The following TNNI3K variants were observed in gnomAD, a reference collection of about 807,000 sequenced individuals.
TNNI3K encodes the protein serine/threonine-protein kinase TNNI3K.
In TNNI3K, 140 loss-of-function variants were observed where a neutral mutation model predicts 114.5. The observed-to-expected ratio is 1.22, with a 90% confidence interval of 1.07 to 1.41. The LOEUF is 1.41. Ranked by LOEUF, TNNI3K falls within the 40% of genes most tolerant of loss-of-function variation. The probability of loss-of-function intolerance (pLI) is 0.00; values close to 1 mark genes in which losing one functional copy is unlikely to be tolerated. For synonymous variants in TNNI3K, 347 were observed against 347.5 expected (o/e 1.00, Z 0.02); for missense variants, 1,125 against 1,007.6 (o/e 1.12, Z -1.58).
intron 5 of TNNI3K, among the ~76,000 whole-genome samples, chr1:74,280,433 G>A (rs1276666418): frequency 6.6e-6 from 1 of 151,988 alleles, no homozygotes; most frequent in Non-Finnish European, 1.5e-5. Flanking sequence ...AAGAGGGTGG[G>A]AAAGACAGTC....
chr1:74,256,913 A>G (rs1440355777), intron 4 of TNNI3K, among the ~76,000 whole-genome samples: 3 of 152,106 alleles, frequency 2.0e-5, no homozygotes, highest in Non-Finnish European at 2.9e-5. Context: ...AATCCTACAT[A>G]TGGTTTTCTG....
At chr1:74,376,691 G>C (rs1001182980) in intron 17 of TNNI3K, 2 of 151,906 alleles carry the variant, frequency 1.3e-5, no homozygotes, top group Admixed American at 6.6e-5. Context: ...TACATGATAT[G>C]ATCTAGGGTC....
rs192448481 is a variant in TNNI3K at position 74,235,898 on chromosome 1, T to G, written c.41-204T>G. 2.8e-3 allele frequency among the ~76,000 whole-genome samples: 426 copies of G among 151,672 alleles called. 2 individuals carry two copies. Among genetic ancestry groups the G allele is most frequent in the African/African-American group, 9.8e-3 (406 of 41,500 alleles). ...TTCTATGTAAATATATTATCCAATA[T>G]CGAATGGGTTCTTCATTACTACAAT... On this transcript the variant is annotated intron_variant, in intron 1 of 24. Coordinates refer to ENST00000326637, the MANE Select transcript of TNNI3K (RefSeq NM_015978.3).
At chr1:74,307,150 A>T (rs1658692719) in intron 5 of TNNI3K, among the ~76,000 whole-genome samples, 1 of 152,134 alleles carries the variant, frequency 6.6e-6, no homozygotes, top group African/African-American at 2.4e-5. Flanking sequence ...GGAAATGAAA[A>T]CACAATACTT....
intron 5 of TNNI3K, among the ~76,000 whole-genome samples, chr1:74,285,425 T>G (rs376827282): frequency 2.6e-5 from 4 of 152,302 alleles, no homozygotes; most frequent in African/African-American, 9.6e-5. Context: ...CTCTTTATGG[T>G]TCACCTTTTC....
At chr1:74,452,741 A>G (rs1457126547) in intron 20 of TNNI3K, among the ~76,000 whole-genome samples, 1 of 152,150 alleles carries the variant, frequency 6.6e-6, no homozygotes, top group Non-Finnish European at 1.5e-5. Context: ...ACATCTTAAA[A>G]CAATCTTCAA....
intron 5 of TNNI3K, among the ~76,000 whole-genome samples, chr1:74,278,106 T>A (rs958424958): frequency 6.9e-6 from 1 of 145,158 alleles, no homozygotes; most frequent in Non-Finnish European, 1.5e-5. Context: ...AATGACAGAA[T>A]GCTTAGAATT....
At position 74,236,093 on chromosome 1, in the gene TNNI3K, C is replaced by G. The variant is rs752646185; in HGVS notation, c.41-9C>G. On this transcript the variant is annotated splice_polypyrimidine_tract_variant and intron_variant, in intron 1 of 24. Coordinates refer to ENST00000326637, the MANE Select transcript of TNNI3K (RefSeq NM_015978.3). Reference sequence around the variant, plus strand: ...CTATGAATCAATCTCATTTGTTCTTCTTTACTAGATGAATGGAAGAAAAAA... The same window carrying G: ...CTATGAATCAATCTCATTTGTTCTTGTTTACTAGATGAATGGAAGAAAAAA... 1.1e-5 allele frequency: 17 copies of G among 1,599,848 alleles called. No individual in the cohort carries two copies. The highest frequency in any genetic ancestry group is 1.5e-5 in the Non-Finnish European group (17 of 1,171,794).
intron 21 of TNNI3K, chr1:74,475,671 G>A (rs1668168968): frequency 1.4e-6 from 1 of 715,692 alleles, no homozygotes; most frequent in East Asian, 2.7e-5. Context: ...CCTTAGTGTG[G>A]TAATTTCTTG....
In TNNI3K at chr1:74,379,470, T is replaced by C. The variant is rs190135292; in HGVS notation, c.1772+9078T>C. Among the ~76,000 whole-genome samples, 108 of 152,150 alleles carry C rather than the reference T, an allele frequency of 7.1e-4. 2 individuals are homozygous for C. The highest frequency in any genetic ancestry group is 2.5e-3 in the African/African-American group (105 of 41,532). ...TTAACCACTTAGTTCTACAAATTAC[T>C]CTAATCCTATTTATGAGCTGCACTC... On this transcript the variant is annotated intron_variant, in intron 17 of 24. Transcript: ENST00000326637.
chr1:74,521,693 G>A (rs1052153352), intron 23 of TNNI3K, among the ~76,000 whole-genome samples: 4 of 152,160 alleles, frequency 2.6e-5, no homozygotes, highest in African/African-American at 9.7e-5. Flanking sequence ...TTCTCGCAGA[G>A]TTGGTGAACA....
At chr1:74,543,550 G>A (rs1646752412) in intron 24 of TNNI3K, among the ~76,000 whole-genome samples, 1 of 152,178 alleles carries the variant, frequency 6.6e-6, no homozygotes, top group South Asian at 2.1e-4. Flanking sequence ...AAGTCACAGA[G>A]TCAGCAAGTA....
At chr1:74,237,812 G>GCC (rs1407774390) in intron 2 of TNNI3K, among the ~76,000 whole-genome samples, 4 of 151,924 alleles carry the variant, frequency 2.6e-5, no homozygotes, top group African/African-American at 9.7e-5. Flanking sequence ...GTGTTGTTCT[G>GCC]GATACATCAA....
chr1:74,475,553 A>G lies in TNNI3K; in HGVS notation c.2121+12003A>G, dbSNP rs45496703. 1.0e-3 allele frequency: 745 copies of G among 717,418 alleles called. 4 individuals carry two copies. In the African/African-American group the frequency reaches 0.012, roughly 11 times the overall value. The allele number at this position is 717,418 out of a possible 1,614,324, so 44.4% of individuals were successfully genotyped here. A position where few individuals can be genotyped will look rare whatever the true frequency, so the allele number is the denominator to read the frequency against. ...TCAAGGGTTGCAGACTCAGAGGCCGATGTTGCTTGATGGCTATTTTCCTGT... is the reference window on the plus strand; with the variant it reads ...TCAAGGGTTGCAGACTCAGAGGCCGGTGTTGCTTGATGGCTATTTTCCTGT... On this transcript the variant is annotated intron_variant, in intron 21 of 24. Coordinates refer to ENST00000326637, the MANE Select transcript of TNNI3K (RefSeq NM_015978.3).
At chr1:74,349,887 G>A (rs370070436) in intron 9 of TNNI3K, among the ~76,000 whole-genome samples, 22 of 152,032 alleles carry the variant, frequency 1.4e-4, no homozygotes, top group Admixed American at 8.5e-4. Context: ...TCTTGCTAGC[G>A]GTCTATCAAT....
chr1:74,329,878 G>A (rs1660107078), intron 5 of TNNI3K, among the ~76,000 whole-genome samples: 1 of 151,964 alleles, frequency 6.6e-6, no homozygotes, highest in South Asian at 2.1e-4. Context: ...TGACTTAAGC[G>A]GCAATTTGTT....
At chr1:74,323,465 T>C (rs1659734335) in intron 5 of TNNI3K, among the ~76,000 whole-genome samples, 1 of 152,080 alleles carries the variant, frequency 6.6e-6, no homozygotes, top group Non-Finnish European at 1.5e-5. Flanking sequence ...TTTTGCCTTC[T>C]AATGCTTCAT....
At chr1:74,262,047 C>G (rs1655707359) in intron 4 of TNNI3K, among the ~76,000 whole-genome samples, 1 of 151,926 alleles carries the variant, frequency 6.6e-6, no homozygotes, top group Non-Finnish European at 1.5e-5. Flanking sequence ...GTATTAATAT[C>G]TTTTATCCTG....
chr1:74,385,051 T>A (rs1266135880), intron 17 of TNNI3K, among the ~76,000 whole-genome samples: 2 of 152,114 alleles, frequency 1.3e-5, no homozygotes, highest in East Asian at 3.9e-4. Context: ...TCCTAATTGA[T>A]CAGAATTATC....
Sources: gnomAD v4.1 joint callset for allele counts (sites outside exome capture counted in the v4.1 genomes callset) on GRCh38, gnomAD v4.1.1 for gene constraint, MANE v1.5 for transcripts, NCBI Gene and HGNC (gene_info 2026-07-23, HGNC 2026-07-21) for gene names.